Variants in CNTN3 observed in about 807,000 individuals in gnomAD.
CNTN3 encodes the protein contactin-3.
CNTN3 carries 60 observed loss-of-function variants against 119.1 expected under a neutral mutation model. The ratio of observed to expected loss-of-function variants is 0.50; its 90% CI spans 0.41 to 0.62. The LOEUF (loss-of-function observed/expected upper bound fraction) is 0.62, where lower values mean the gene tolerates loss of function less well. CNTN3 is among the 20% of genes least tolerant of loss of function. CNTN3 has a pLI of 0.00. For missense variants in CNTN3, 1,101 were observed against 1,242.4 expected (o/e 0.89, Z 1.71); for synonymous variants, 450 against 438.7 (o/e 1.03, Z -0.32).
intron 20 of CNTN3, among the ~76,000 whole-genome samples, chr3:74,284,296 G>A (rs1012201445): frequency 1.3e-5 from 2 of 152,096 alleles, no homozygotes; most frequent in Non-Finnish European, 2.9e-5. Flanking sequence ...CATAAAAATT[G>A]TCTCATTCTT....
At chr3:74,368,247 C>T (rs1704245866) in intron 8 of CNTN3, among the ~76,000 whole-genome samples, 1 of 152,098 alleles carries the variant, frequency 6.6e-6, no homozygotes, top group Non-Finnish European at 1.5e-5. Flanking sequence ...TGTCATAAGA[C>T]CTACAATTTT....
At chr3:74,450,590 A>C (rs1182221649) in intron 4 of CNTN3, among the ~76,000 whole-genome samples, 4 of 150,800 alleles carry the variant, frequency 2.7e-5, no homozygotes, top group Non-Finnish European at 4.4e-5. Context: ...TATACATGTG[A>C]CATGCTGGTG....
At chr3:74,390,624 A>T (rs1167695123) in intron 5 of CNTN3, among the ~76,000 whole-genome samples, 1 of 152,188 alleles carries the variant, frequency 6.6e-6, no homozygotes, top group Non-Finnish European at 1.5e-5. Flanking sequence ...CACTGTTACC[A>T]TCAATATTGG....
At position 74,462,511 on chromosome 3, in the gene CNTN3, T is replaced by C. The variant is rs531814538; in HGVS notation, c.358+23945A>G. 1.4e-4 allele frequency among the ~76,000 whole-genome samples: 21 copies of C among 152,220 alleles called. No individual in the cohort carries two copies. The South Asian group carries it at 4.3e-3, about 31-fold the overall frequency. On this transcript the variant is annotated intron_variant, in intron 4 of 22. Transcript: ENST00000263665. Reference sequence around the variant, plus strand: ...AAGCAGTGTCAATATTCAAAGTTTTTAATGGCCTGTGTAACATGGGCACCA... The same window carrying C: ...AAGCAGTGTCAATATTCAAAGTTTTCAATGGCCTGTGTAACATGGGCACCA...
chr3:74,497,856 A>G (rs1000926800), intron 3 of CNTN3, among the ~76,000 whole-genome samples: 6 of 151,846 alleles, frequency 4.0e-5, no homozygotes, highest in African/African-American at 1.4e-4. Context: ...AACATTTTAC[A>G]TGTTATCAAT....
At position 74,496,616 on chromosome 3, in the gene CNTN3, T is replaced by G. The variant is rs527495851; in HGVS notation, c.182+3043A>C. Among the ~76,000 whole-genome samples the G allele has an allele frequency of 2.5e-3, 375 of 152,172 alleles. 2 individuals are homozygous for G. The highest frequency in any genetic ancestry group is 8.7e-3 in the African/African-American group (361 of 41,554). On this transcript the variant is annotated intron_variant, in intron 3 of 22. Coordinates refer to ENST00000263665, the MANE Select transcript of CNTN3 (RefSeq NM_020872.3). ...ATTCTCCTATTTGTGGTCTTTCATC[T>G]TAGCATTAGTTGATTGGACATTTCT...
intron 13 of CNTN3, among the ~76,000 whole-genome samples, chr3:74,325,192 T>C (rs540810458): frequency 1.3e-5 from 2 of 152,354 alleles, no homozygotes; most frequent in South Asian, 4.1e-4. Context: ...CTTTTGAATG[T>C]TACTCTATGC....
intron 13 of CNTN3, among the ~76,000 whole-genome samples, chr3:74,303,520 C>T (rs542893503): frequency 4.6e-5 from 7 of 152,150 alleles, no homozygotes; most frequent in Non-Finnish European, 4.4e-5. Context: ...TGGTGAAACC[C>T]CATCTCTACT....
chr3:74,478,241 C>A (rs1474551555), intron 4 of CNTN3, among the ~76,000 whole-genome samples: 1 of 152,054 alleles, frequency 6.6e-6, no homozygotes, highest in Non-Finnish European at 1.5e-5. Context: ...CGGCTTAGGA[C>A]TGGGGGTAGC....
intron 2 of CNTN3, among the ~76,000 whole-genome samples, chr3:74,501,660 G>A (rs1559635366): frequency 6.6e-6 from 1 of 151,994 alleles, no homozygotes; most frequent in Non-Finnish European, 1.5e-5. Flanking sequence ...GGGCAACTTT[G>A]CACCACGACA....
At chr3:74,375,412 T>A (rs1409292933) in intron 5 of CNTN3, among the ~76,000 whole-genome samples, 3 of 152,116 alleles carry the variant, frequency 2.0e-5, no homozygotes, top group Admixed American at 6.6e-5. Context: ...GTAGGCAGAA[T>A]AAATGTCCCC....
intron 5 of CNTN3, among the ~76,000 whole-genome samples, chr3:74,404,316 A>G (rs898279327): frequency 9.9e-5 from 15 of 152,126 alleles, no homozygotes; most frequent in African/African-American, 3.6e-4. Flanking sequence ...TCAGCAACTA[A>G]TTACTTTTGC....
rs74931768 is a variant in CNTN3 at position 74,609,478 on chromosome 3, T to A, written c.-81+4913A>T. Among the ~76,000 whole-genome samples the A allele has an allele frequency of 7.8e-3, 1,194 of 152,330 alleles. 10 individuals are homozygous for A. Among genetic ancestry groups the A allele is most frequent in the African/African-American group, 0.028 (1,145 of 41,584 alleles). On this transcript the variant is annotated intron_variant, in intron 1 of 22. Coordinates refer to ENST00000263665, the MANE Select transcript of CNTN3 (RefSeq NM_020872.3). The stretch of plus-strand genomic sequence containing the variant: ...GGGAGAAGATGGTGACAAAGACCAC[T>A]GACTCCAGATGCCTTGATGACCCCA...
At chr3:74,394,242 AC>A (rs1253022909) in intron 5 of CNTN3, among the ~76,000 whole-genome samples, 2 of 152,162 alleles carry the variant, frequency 1.3e-5, no homozygotes, top group Non-Finnish European at 2.9e-5. Context: ...TAACTATAAA[AC>A]TGAAGGAAAA....
intron 1 of CNTN3, among the ~76,000 whole-genome samples, chr3:74,613,710 T>A (rs1008973849): frequency 1.3e-5 from 2 of 152,196 alleles, no homozygotes; most frequent in Non-Finnish European, 2.9e-5. Context: ...GGTGCCCGGT[T>A]GGCACTTCCT....
chr3:74,381,081 C>G (rs1162774885), intron 5 of CNTN3, among the ~76,000 whole-genome samples: 1 of 150,358 alleles, frequency 6.7e-6, no homozygotes, highest in East Asian at 1.9e-4. Context: ...CTCTCTCTCT[C>G]TCTCTCACAC....
chr3:74,458,728 C>T (rs908773357), intron 4 of CNTN3, among the ~76,000 whole-genome samples: 4 of 152,014 alleles, frequency 2.6e-5, no homozygotes, highest in African/African-American at 9.7e-5. Context: ...CAGGAGAAAA[C>T]ATTATGGGAT....
chr3:74,265,129 G>T (rs1171584765), intron 22 of CNTN3, among the ~76,000 whole-genome samples: 1 of 152,066 alleles, frequency 6.6e-6, no homozygotes, highest in Non-Finnish European at 1.5e-5. Flanking sequence ...TCTATTTTAT[G>T]CATTTCCAGA....
At chr3:74,467,045 T>A (rs938657123) in intron 4 of CNTN3, among the ~76,000 whole-genome samples, 1 of 152,148 alleles carries the variant, frequency 6.6e-6, no homozygotes, top group African/African-American at 2.4e-5. Context: ...TTTGGGATTT[T>A]GAAATTAAAG....
Sources: gnomAD v4.1 joint callset for allele counts (sites outside exome capture counted in the v4.1 genomes callset) on GRCh38, gnomAD v4.1.1 for gene constraint, MANE v1.5 for transcripts, NCBI Gene and HGNC (gene_info 2026-07-23, HGNC 2026-07-21) for gene names.